The following ZNF654 variants were observed in gnomAD, a reference collection of about 807,000 sequenced individuals.
The protein encoded by ZNF654 is zinc finger protein 654.
In ZNF654, 19 loss-of-function variants were observed where a neutral mutation model predicts 95.3. That is an observed-to-expected ratio of 0.20 (90% CI 0.14 to 0.29). ZNF654 has a LOEUF of 0.29. Among genes scored for constraint, ZNF654 ranks in the 10% least tolerant of loss-of-function variants. The pLI is 1.00. For missense variants in ZNF654, 1,046 were observed against 1,341.0 expected (o/e 0.78, Z 3.44); for synonymous variants, 413 against 457.9 (o/e 0.90, Z 1.25).
intron 3 of ZNF654, among the ~76,000 whole-genome samples, chr3:88,125,892 G>A (rs1442304819): frequency 6.6e-6 from 1 of 152,008 alleles, no homozygotes; most frequent in Admixed American, 6.6e-5. Flanking sequence ...TAGGTTACAC[G>A]TCATCCCTAT....
At chr3:88,063,030 A>G (rs1437765461) in intron 1 of ZNF654, among the ~76,000 whole-genome samples, 3 of 152,212 alleles carry the variant, frequency 2.0e-5, no homozygotes, top group Non-Finnish European at 4.4e-5. Context: ...TCCTGGTGAA[A>G]CACAATGATT....
At chr3:88,137,339 G>A (rs1706859379) in intron 7 of ZNF654, among the ~76,000 whole-genome samples, 1 of 151,910 alleles carries the variant, frequency 6.6e-6, no homozygotes, top group African/African-American at 2.4e-5. Flanking sequence ...TTAGAAATCA[G>A]TAGTTGGAAT....
At chr3:88,100,444 A>C (rs1021525460) in intron 2 of ZNF654, among the ~76,000 whole-genome samples, 3 of 152,160 alleles carry the variant, frequency 2.0e-5, no homozygotes, top group African/African-American at 7.2e-5. Context: ...AACTAGAAAT[A>C]CCATTTGACC....
intron 1 of ZNF654, among the ~76,000 whole-genome samples, chr3:88,073,670 A>G (rs772504303): frequency 1.3e-5 from 2 of 152,210 alleles, no homozygotes; most frequent in Admixed American, 6.5e-5. Context: ...GGTATTAACA[A>G]TAAATGGTGG....
Position 88,128,938 on chromosome 3 carries a change from A to G in ZNF654, c.680A>G (p.Lys227Arg). ...TGTATAAATCACCCAGAAATCAGTA[A>G]AGACTTATACTTCCATCAAGCACTC... ...KSCINHPEIS[K>R]DLYFHQALFT... The change falls in exon 5 of 9, where the codon AAA (lysine) becomes AGA (arginine). Residue 227 changes from lysine (K) to arginine (R), a missense_variant. Physicochemically the swap from Lys to Arg is conservative, Grantham distance 26. This residue lies in a region of ZNF654 where 121 missense variants were observed against 141.7 expected (regional missense o/e 0.85). Transcript: ENST00000636215. 1 of 1,535,548 alleles carries G rather than the reference A, an allele frequency of 6.5e-7. No homozygotes were observed. The highest frequency in any genetic ancestry group is 1.2e-5 in the South Asian group (1 of 84,044).
At chr3:88,062,823 T>A (rs182159777) in intron 1 of ZNF654, among the ~76,000 whole-genome samples, 335 of 152,330 alleles carry the variant, frequency 2.2e-3, no homozygotes, top group Non-Finnish European at 2.9e-3. Context: ...GTACTTAGTA[T>A]TGTACGTAGC....
chr3:88,130,638 T>G (rs1706401111), intron 6 of ZNF654, among the ~76,000 whole-genome samples: 1 of 143,902 alleles, frequency 6.9e-6, no homozygotes, highest in African/African-American at 2.6e-5. Flanking sequence ...TTTTTTTTGG[T>G]AGAGATGGGG....
intron 7 of ZNF654, among the ~76,000 whole-genome samples, chr3:88,138,121 A>G (rs542212985): frequency 6.6e-6 from 1 of 152,312 alleles, no homozygotes; most frequent in South Asian, 2.1e-4. Context: ...TGAGGCTTAT[A>G]TACCTTATTA....
chr3:88,102,892 A>G (rs1437798302), intron 2 of ZNF654, among the ~76,000 whole-genome samples: 1 of 126,272 alleles, frequency 7.9e-6, no homozygotes, highest in Non-Finnish European at 1.6e-5. Context: ...AGTTTGTTGC[A>G]TGGATATATT....
intron 6 of ZNF654, among the ~76,000 whole-genome samples, chr3:88,131,664 T>C (rs1427514441): frequency 6.6e-6 from 1 of 152,142 alleles, no homozygotes. Context: ...AGGCTCAGTG[T>C]CTCCAGCTGC....
At chr3:88,138,326 T>C (rs1258116677) in intron 7 of ZNF654, among the ~76,000 whole-genome samples, 3 of 152,124 alleles carry the variant, frequency 2.0e-5, no homozygotes, top group Admixed American at 1.3e-4. Context: ...AAAATACACA[T>C]AATTTTGACC....
chr3:88,071,727 C>A (rs1707525334), intron 1 of ZNF654, among the ~76,000 whole-genome samples: 1 of 152,012 alleles, frequency 6.6e-6, no homozygotes, highest in Non-Finnish European at 1.5e-5. Context: ...TCACTTGAAC[C>A]CGGGAGGCAG....
rs186759949 is a variant in ZNF654, at chr3:88,059,640, C to T, written c.186+135C>T. Reference sequence around the variant, plus strand: ...CAACAAGGAGGGTGAGGCTGAAGCTCCCTCCTCCACTTATCCGGCTTGGGG... The same window carrying T: ...CAACAAGGAGGGTGAGGCTGAAGCTTCCTCCTCCACTTATCCGGCTTGGGG... On this transcript the variant is annotated intron_variant, in intron 1 of 8. Transcript: ENST00000636215. The T allele has an allele frequency of 1.8e-4, 238 of 1,310,962 alleles. 1 individual carries two copies. In the African/African-American group the frequency reaches 2.7e-3, roughly 15 times the overall value. The allele number at this position is 1,310,962 out of a possible 1,614,324, so 81.2% of individuals were successfully genotyped here. A position where few individuals can be genotyped will look rare whatever the true frequency, so the allele number is the denominator to read the frequency against.
At chr3:88,062,072 C>G (rs974264630) in intron 1 of ZNF654, among the ~76,000 whole-genome samples, 1 of 152,132 alleles carries the variant, frequency 6.6e-6, no homozygotes, top group African/African-American at 2.4e-5. Flanking sequence ...ACAGAAGATA[C>G]AGTGTTAATA....
chr3:88,135,536 T>G, intron 7 of ZNF654: 1 of 160,852 alleles, frequency 6.2e-6, no homozygotes, highest in Non-Finnish European at 1.4e-5. Context: ...CTATCAATAA[T>G]ACCACTTCAC....
rs1296700384 is a variant in ZNF654 at position 88,059,349 on chromosome 3, C to T, written c.30C>T (p.Ala10=). The T allele has an allele frequency of 2.6e-6, 4 of 1,534,888 alleles. No homozygotes were observed. The highest frequency in any genetic ancestry group is 2.0e-5 in the Admixed American group (1 of 50,992). The change falls in exon 1 of 9, where the codon GCC becomes GCT. Residue 10 remains alanine (A), a synonymous_variant. Coordinates refer to ENST00000636215, the MANE Select transcript of ZNF654 (RefSeq NM_001350134.2). ...CGGAGGAAGAGAGCGACCAAGAGGC[C>T]GAACGCCTCGGAGAAGAGCTTGTGG... The part of the protein sequence containing the change: MAEEESDQE[A]ERLGEELVAI...
At chr3:88,133,415 A>T (rs1706581096) in intron 6 of ZNF654, among the ~76,000 whole-genome samples, 1 of 152,150 alleles carries the variant, frequency 6.6e-6, no homozygotes, top group Non-Finnish European at 1.5e-5. Flanking sequence ...AATAGGTAGG[A>T]TCGATAAAAT....
intron 1 of ZNF654, among the ~76,000 whole-genome samples, chr3:88,068,056 T>C (rs1468832293): frequency 6.6e-6 from 1 of 152,098 alleles, no homozygotes; most frequent in Non-Finnish European, 1.5e-5. Flanking sequence ...GGTGTTGCTT[T>C]ATATAGGAGT....
chr3:88,091,475 T>G (rs565571837), intron 2 of ZNF654, among the ~76,000 whole-genome samples: 79 of 152,302 alleles, frequency 5.2e-4, no homozygotes, highest in Non-Finnish European at 6.5e-4. Flanking sequence ...CTCTTTCATC[T>G]ATATAATCTT....
Sources: gnomAD v4.1 joint callset for allele counts (sites outside exome capture counted in the v4.1 genomes callset) on GRCh38, gnomAD v4.1.1 for gene constraint, gnomAD v4.1.1 regional missense constraint, MANE v1.5 for transcripts, NCBI Gene and HGNC (gene_info 2026-07-23, HGNC 2026-07-21) for gene names.